Variants in CFAP206 observed in about 807,000 individuals in gnomAD.
CFAP206 encodes cilia and flagella associated protein 206, also known as cilia- and flagella-associated protein 206.
In CFAP206, 53 loss-of-function variants were observed where a neutral mutation model predicts 65.4. The observed-to-expected ratio is 0.81, with a 90% CI of 0.65 to 1.02. The LOEUF (loss-of-function observed/expected upper bound fraction) is 1.02. Among genes scored for constraint, CFAP206 ranks in the 50% least tolerant of loss-of-function variants. The probability of loss-of-function intolerance (pLI) is 0.00; values close to 1 mark genes in which losing one functional copy is unlikely to be tolerated. For missense variants in CFAP206, 663 were observed against 753.2 expected, an observed-to-expected ratio of 0.88 and a Z score of 1.40; for synonymous variants, 250 against 254.4, an observed-to-expected ratio of 0.98 and a Z score of 0.17.
chr6:87,414,613 A>G (rs1365580529), intron 4 of CFAP206, among the ~76,000 whole-genome samples: 3 of 152,182 alleles, frequency 2.0e-5, no homozygotes, highest in Non-Finnish European at 4.4e-5. Context: ...TATGTAAATA[A>G]TTTAATGCAT....
At position 87,415,809 on chromosome 6, in the gene CFAP206, G is replaced by T. The variant is rs1767819512; in HGVS notation, c.407G>T (p.Ser136Ile). 6.2e-7 allele frequency: 1 copy of T among 1,613,266 alleles called. No homozygotes were observed. Among genetic ancestry groups the T allele is most frequent in the Non-Finnish European group, 8.5e-7 (1 of 1,179,642 alleles). The change falls in exon 5 of 13, where the codon AGC becomes ATC. Residue 136 changes from serine to isoleucine, a missense_variant. Physicochemically the swap from Ser to Ile is moderately radical, Grantham distance 142. Coordinates refer to ENST00000369562, the MANE Select transcript of CFAP206 (RefSeq NM_001031743.3). ...ELESLYRKIISYVLLRSGLGS... is the reference protein window; with the variant it reads ...ELESLYRKIIIYVLLRSGLGS... Reference sequence around the variant, plus strand: ...GAAAGCCTCTACCGGAAGATTATCAGCTATGTGTTACTCCGCTCTGGCCTT... The same window carrying T: ...GAAAGCCTCTACCGGAAGATTATCATCTATGTGTTACTCCGCTCTGGCCTT...
rs543915339 is a variant in CFAP206 at position 87,418,887 on chromosome 6, A to G, written c.840+471A>G. On this transcript the variant is annotated intron_variant, in intron 7 of 12. Transcript: ENST00000369562. ...AGCACTTTGGGAGGCAAAGGTGGAC[A>G]GATCGCTTGAGCCCAAGAGTTCAAA... Among the ~76,000 whole-genome samples the G allele has an allele frequency of 2.6e-3, 401 of 152,282 alleles. 2 individuals carry two copies. The highest frequency in any genetic ancestry group is 7.9e-3 in the South Asian group (38 of 4,828).
At chr6:87,459,778 G>C (rs9450698) in intron 11 of CFAP206, among the ~76,000 whole-genome samples, 1 of 151,968 alleles carries the variant, frequency 6.6e-6, no homozygotes, top group Admixed American at 6.6e-5. Flanking sequence ...ACAGTGAAAG[G>C]CTAGAATCAG....
At chr6:87,433,754 A>G (rs1768201209) in intron 10 of CFAP206, among the ~76,000 whole-genome samples, 1 of 152,240 alleles carries the variant, frequency 6.6e-6, no homozygotes, top group Non-Finnish European at 1.5e-5. Flanking sequence ...ATAAATTAAA[A>G]TGATAATTAT....
At chr6:87,435,789 A>G (rs1768255879) in intron 11 of CFAP206, 1 of 152,224 alleles carries the variant, frequency 6.6e-6, no homozygotes, top group African/African-American at 2.4e-5. Context: ...TCTCCCAAGT[A>G]GCTGGGACTA....
intron 12 of CFAP206, 23 bp downstream of exon 12, chr6:87,461,188 A>G: frequency 6.8e-7 from 1 of 1,467,588 alleles, no homozygotes; most frequent in Non-Finnish European, 9.1e-7. Context: ...ACTTTCTAGA[A>G]TTATTTATAT....
At chr6:87,433,133 A>G (rs1212508127) in intron 10 of CFAP206, among the ~76,000 whole-genome samples, 1 of 152,234 alleles carries the variant, frequency 6.6e-6, no homozygotes, top group Non-Finnish European at 1.5e-5. Flanking sequence ...TCTGCCTCCC[A>G]GGTTGCTAAT....
At chr6:87,457,296 G>A (rs1459133191) in intron 11 of CFAP206, among the ~76,000 whole-genome samples, 1 of 152,004 alleles carries the variant, frequency 6.6e-6, no homozygotes. Flanking sequence ...ATGACATTCT[G>A]TAAGAAATAG....
chr6:87,452,860 C>G (rs1332549309), intron 11 of CFAP206, among the ~76,000 whole-genome samples: 1 of 151,944 alleles, frequency 6.6e-6, no homozygotes, highest in Non-Finnish European at 1.5e-5. Flanking sequence ...AAGGACAAAT[C>G]TAAGAGTTAT....
At chr6:87,448,446 G>A (rs964389229) in intron 11 of CFAP206, among the ~76,000 whole-genome samples, 1 of 152,074 alleles carries the variant, frequency 6.6e-6, no homozygotes, top group Non-Finnish European at 1.5e-5. Context: ...AATGTATTAT[G>A]ATCAAATCAG....
At chr6:87,442,001 T>G (rs1040644331) in intron 11 of CFAP206, 1 of 242,350 alleles carries the variant, frequency 4.1e-6, no homozygotes, top group Non-Finnish European at 8.6e-6. Context: ...ACACTTATGA[T>G]GGAAAATTGC....
rs1767778040 is a variant in CFAP206 at position 87,413,825 on chromosome 6, C to T, written c.208C>T (p.Leu70=). 1.3e-6 allele frequency: 2 copies of T among 1,564,116 alleles called. No homozygotes were observed. The highest frequency in any genetic ancestry group is 1.7e-6 in the Non-Finnish European group (2 of 1,158,592). Reference sequence around the variant, plus strand: ...TCTTTTCTAGCTTTGTATGACTCGGCTATTGGATACTAAAAATCCATCCCT... The same window carrying T: ...TCTTTTCTAGCTTTGTATGACTCGGTTATTGGATACTAAAAATCCATCCCT... ...QNLVKLCMTR[L]LDTKNPSLDT... The change falls in exon 4 of 13, where the codon CTA becomes TTA. Residue 70 remains leucine (L), a synonymous_variant. Transcript: ENST00000369562.
At chr6:87,410,018 T>G (rs6915562) in intron 2 of CFAP206, 71 bp downstream of exon 2, 283,205 of 1,012,530 alleles carry the variant, frequency 0.28, 41,487 homozygotes, top group African/African-American at 0.39. Context: ...CATTTTCCCC[T>G]TTAAATTCTG....
intron 11 of CFAP206, chr6:87,444,312 A>G: frequency 4.6e-6 from 1 of 215,154 alleles, no homozygotes; most frequent in Non-Finnish European, 9.9e-6. Flanking sequence ...GGTCAGAGGT[A>G]CACTGGTTTG....
At chr6:87,430,014 T>C (rs991886179) in intron 9 of CFAP206, among the ~76,000 whole-genome samples, 19 of 152,362 alleles carry the variant, frequency 1.2e-4, no homozygotes, top group Admixed American at 5.9e-4. Context: ...ACTGTTTACC[T>C]GCAACTTCTT....
chr6:87,451,755 G>A (rs1163158780), intron 11 of CFAP206, among the ~76,000 whole-genome samples: 1 of 151,954 alleles, frequency 6.6e-6, no homozygotes, highest in Non-Finnish European at 1.5e-5. Flanking sequence ...AGCTCCTGAA[G>A]GGCATTTCTA....
At chr6:87,430,998 T>C in intron 9 of CFAP206, 35 bp from the exon 10 acceptor site, 2 of 1,599,714 alleles carry the variant, frequency 1.3e-6, no homozygotes, top group Non-Finnish European at 1.7e-6. Context: ...ACCTTCTCAC[T>C]GAATTAAAGC....
chr6:87,440,793 G>A (rs1582145157), intron 11 of CFAP206, among the ~76,000 whole-genome samples: 1 of 152,184 alleles, frequency 6.6e-6, no homozygotes, highest in African/African-American at 2.4e-5. Flanking sequence ...TAATGAGGAT[G>A]AAAGTTCTGT....
At chr6:87,414,028 C>T (rs1767783477) in intron 4 of CFAP206, 128 bp downstream of exon 4, 1 of 443,520 alleles carries the variant, frequency 2.3e-6, no homozygotes, top group Admixed American at 4.7e-5. Context: ...TGGCAATCAA[C>T]TTTGAGGAAT....
Sources: gnomAD v4.1 joint callset for allele counts (sites outside exome capture counted in the v4.1 genomes callset) on GRCh38, gnomAD v4.1.1 for gene constraint, MANE v1.5 for transcripts, NCBI Gene and HGNC (gene_info 2026-07-23, HGNC 2026-07-21) for gene names.